ADARB2: variants seen among roughly 807,000 people sequenced by gnomAD.
The protein encoded by ADARB2 is inactive double-stranded RNA-specific editase B2.
Under a neutral mutation model 62.2 loss-of-function variants are expected in ADARB2, and 25 were observed. The ratio of observed to expected loss-of-function variants is 0.40; its 90% CI spans 0.29 to 0.56. The LOEUF (loss-of-function observed/expected upper bound fraction) is 0.56. ADARB2 is among the 20% of genes least tolerant of loss of function. ADARB2 has a pLI of 0.43. For synonymous variants in ADARB2, 572 were observed against 500.8 expected (o/e 1.14, Z -1.90); for missense variants, 1,071 against 1,077.4 (o/e 0.99, Z 0.08).
rs180986027 is a variant in ADARB2 at position 1,594,973 on chromosome 10, G to T, written c.100+142078C>A. 3.3e-3 allele frequency among the ~76,000 whole-genome samples: 500 copies of T among 152,312 alleles called. 1 individual carries two copies. The highest frequency in any genetic ancestry group is 0.012 in the African/African-American group (479 of 41,574). On this transcript the variant is annotated intron_variant, in intron 1 of 9. Coordinates refer to ENST00000381312, the MANE Select transcript of ADARB2 (RefSeq NM_018702.4). Reference sequence around the variant, plus strand: ...CCCATCTCTGCTGGGGACCAGGGCTGTGCTGCAGGATCTGAGGAAGTGCAG... The same window carrying T: ...CCCATCTCTGCTGGGGACCAGGGCTTTGCTGCAGGATCTGAGGAAGTGCAG...
intron 3 of ADARB2, among the ~76,000 whole-genome samples, chr10:1,303,831 T>C (rs1441473555): frequency 1.3e-5 from 2 of 148,742 alleles, no homozygotes; most frequent in African/African-American, 5.0e-5. Context: ...TGCTGAGAGA[T>C]TTTGTCACCA....
chr10:1,375,993 G>T (rs374443190), intron 2 of ADARB2, among the ~76,000 whole-genome samples: 8 of 149,562 alleles, frequency 5.3e-5, no homozygotes, highest in Non-Finnish European at 1.0e-4. Flanking sequence ...GCACACACAC[G>T]CACATGACAC....
intron 1 of ADARB2, among the ~76,000 whole-genome samples, chr10:1,611,768 C>T (rs1199541398): frequency 2.0e-5 from 3 of 152,214 alleles, no homozygotes; most frequent in Non-Finnish European, 4.4e-5. Context: ...GATATATCGT[C>T]CCAGCGATGA....
chr10:1,261,474 A>C (rs76477235), intron 4 of ADARB2, among the ~76,000 whole-genome samples: 7 of 149,838 alleles, frequency 4.7e-5, no homozygotes, highest in East Asian at 1.9e-4. Context: ...ACAACCCCAT[A>C]AAAAAGTGGG....
At chr10:1,382,872 C>A (rs1832496058) in intron 1 of ADARB2, among the ~76,000 whole-genome samples, 1 of 152,158 alleles carries the variant, frequency 6.6e-6, no homozygotes, top group Non-Finnish European at 1.5e-5. Context: ...GTCGGCTGGG[C>A]ACTCCCCACT....
intron 3 of ADARB2, among the ~76,000 whole-genome samples, chr10:1,293,770 A>G (rs1831499339): frequency 6.6e-6 from 1 of 152,194 alleles, no homozygotes; most frequent in Admixed American, 6.5e-5. Flanking sequence ...GGAAGATGGT[A>G]ATGCATTCAA....
intron 1 of ADARB2, among the ~76,000 whole-genome samples, chr10:1,545,524 G>A (rs1832505495): frequency 6.6e-6 from 1 of 152,174 alleles, no homozygotes; most frequent in East Asian, 1.9e-4. Context: ...CCTTGACTGC[G>A]AATTTTGTCT....
Position 1,477,393 on chromosome 10 carries a change from T to C in ADARB2, c.101-98233A>G, listed in dbSNP as rs1052074189. On this transcript the variant is annotated intron_variant, in intron 1 of 9. Coordinates refer to ENST00000381312, the MANE Select transcript of ADARB2 (RefSeq NM_018702.4). The surrounding 1 kb of genome is among the most constrained non-coding windows in gnomAD (Gnocchi z 4.5). ...CCAGCAGCATGACCTTATCTGCCCA[T>C]GGCCCCCTCCAGCATGACCCTATAC... Among the ~76,000 whole-genome samples, 3 of 152,174 alleles carry C rather than the reference T, an allele frequency of 2.0e-5. No individual in the cohort carries two copies. The highest frequency in any genetic ancestry group is 7.2e-5 in the African/African-American group (3 of 41,446).
At chr10:1,213,646 G>C (rs1297328740) in intron 7 of ADARB2, among the ~76,000 whole-genome samples, 2 of 152,232 alleles carry the variant, frequency 1.3e-5, no homozygotes, top group Non-Finnish European at 2.9e-5. Flanking sequence ...CACTCTAGCT[G>C]CCCAGAGCCA....
chr10:1,242,497 A>T (rs560150003), intron 4 of ADARB2, among the ~76,000 whole-genome samples, 198 bp from the exon 5 acceptor site: 2 of 152,306 alleles, frequency 1.3e-5, no homozygotes. Flanking sequence ...ATTCCCATCT[A>T]CTTCATGGTG....
intron 3 of ADARB2, among the ~76,000 whole-genome samples, chr10:1,296,222 G>A (rs865997574): frequency 1.3e-5 from 2 of 152,166 alleles, no homozygotes; most frequent in Admixed American, 1.3e-4. Flanking sequence ...GAATGGGAGG[G>A]GAAAGTATGT....
chr10:1,608,774 GAGAAAGAA>G lies in ADARB2; in HGVS notation c.100+128269_100+128276del, dbSNP rs72347975. ...AAGGAAGGAAGGAAAGAAAGAGAAA[GAGAAAGAA>G]AGAAAGAAAGAAAGAAAAGCAAGGG... On this transcript the variant is annotated intron_variant, in intron 1 of 9. Coordinates refer to ENST00000381312, the MANE Select transcript of ADARB2 (RefSeq NM_018702.4). 1.4e-4 allele frequency among the ~76,000 whole-genome samples: 19 copies of G among 139,530 alleles called. No homozygotes were observed. The South Asian group carries it at 1.7e-3, about 12-fold the overall frequency. 91.5% of individuals were successfully genotyped at this position (139,530 alleles called of 152,430 possible).
intron 4 of ADARB2, among the ~76,000 whole-genome samples, chr10:1,269,103 TCCCCTTTCTACTCCCTC>T (rs1831235051): frequency 7.0e-6 from 1 of 142,892 alleles, no homozygotes; most frequent in Non-Finnish European, 1.5e-5. Flanking sequence ...GCCCCTCCCC[TCCCCTTTCTACTCCCTC>T]CCCCTACCCT....
At chr10:1,222,897 G>A (rs1229294846) in intron 6 of ADARB2, among the ~76,000 whole-genome samples, 3 of 151,510 alleles carry the variant, frequency 2.0e-5, no homozygotes, top group Non-Finnish European at 4.4e-5. Flanking sequence ...TTGGTGATGT[G>A]GGCTCTTTTT....
chr10:1,411,903 A>G (rs1832763067), intron 1 of ADARB2, among the ~76,000 whole-genome samples: 1 of 152,258 alleles, frequency 6.6e-6, no homozygotes, highest in Non-Finnish European at 1.5e-5. Flanking sequence ...AGCTAGCAGT[A>G]TAGATTTCTA....
At chr10:1,320,480 C>T (rs973392798) in intron 3 of ADARB2, among the ~76,000 whole-genome samples, 3 of 152,206 alleles carry the variant, frequency 2.0e-5, no homozygotes, top group African/African-American at 4.8e-5. Flanking sequence ...CTCAATTTCA[C>T]GTCTTAGGGT....
intron 3 of ADARB2, among the ~76,000 whole-genome samples, chr10:1,271,602 A>T (rs1831263190): frequency 6.6e-6 from 1 of 152,128 alleles, no homozygotes; most frequent in African/African-American, 2.4e-5. Flanking sequence ...CACCTAGGGC[A>T]CACGTGCACA....
intron 1 of ADARB2, among the ~76,000 whole-genome samples, chr10:1,446,124 A>T (rs1830965789): frequency 6.6e-6 from 1 of 152,210 alleles, no homozygotes; most frequent in South Asian, 2.1e-4. Context: ...ATGGACCAGG[A>T]CAAGAAGGCT....
intron 1 of ADARB2, among the ~76,000 whole-genome samples, chr10:1,599,358 TTAAG>T (rs1251207015): frequency 4.4e-4 from 67 of 152,314 alleles, no homozygotes; most frequent in African/African-American, 1.5e-3. Context: ...ACTGTACAGA[TTAAG>T]TGAGAAACAT....
Sources: allele counts gnomAD v4.1 joint callset (sites outside exome capture counted in the v4.1 genomes callset), GRCh38; gene constraint gnomAD v4.1.1; non-coding constraint Gnocchi (gnomAD v3.1); transcripts MANE v1.5; gene names NCBI Gene and HGNC (gene_info 2026-07-23, HGNC 2026-07-21).